The following ZDHHC14 variants were observed in gnomAD, a reference collection of about 807,000 sequenced individuals.
The protein encoded by ZDHHC14 is palmitoyltransferase ZDHHC14.
Under a neutral mutation model 47.7 loss-of-function variants are expected in ZDHHC14, and 16 were observed. The observed-to-expected ratio is 0.34, with a 90% confidence interval of 0.23 to 0.51. ZDHHC14 has a LOEUF of 0.51. Ranked by LOEUF, ZDHHC14 falls within the 20% of genes least tolerant of loss-of-function variation. The probability of loss-of-function intolerance (pLI) is 0.97; values close to 1 mark genes in which losing one functional copy is unlikely to be tolerated. For synonymous variants in ZDHHC14, 293 were observed against 278.9 expected (o/e 1.05, Z -0.50); for missense variants, 515 against 662.5 (o/e 0.78, Z 2.44).
intron 8 of ZDHHC14, among the ~76,000 whole-genome samples, chr6:157,667,793 A>T (rs1434675965): frequency 1.3e-5 from 2 of 152,320 alleles, no homozygotes; most frequent in South Asian, 2.1e-4. Context: ...AAGCTCTTTT[A>T]AAAAAATCAG....
In ZDHHC14 at chr6:157,593,129, T is replaced by G; in HGVS notation, c.548T>G (p.Leu183Arg). 1.2e-6 allele frequency: 2 copies of G among 1,613,222 alleles called. No individual in the cohort carries two copies. The highest frequency in any genetic ancestry group is 1.7e-6 in the Non-Finnish European group (2 of 1,179,502). The change falls in exon 3 of 9, where the codon CTT becomes CGT. Residue 183 changes from leucine (L) to arginine (R), a missense_variant. Physicochemically the swap from Leu to Arg is moderately radical, Grantham distance 102 (BLOSUM62 -2). Transcript: ENST00000359775. ...FRPPRASHCS[L>R]CDNCVERFDH... Reference sequence around the variant, plus strand: ...CCCCCTCGCGCCTCCCATTGCAGCCTTTGTGATAACTGCGTAGGTGAGTAG... The same window carrying G: ...CCCCCTCGCGCCTCCCATTGCAGCCGTTGTGATAACTGCGTAGGTGAGTAG...
intron 1 of ZDHHC14, among the ~76,000 whole-genome samples, chr6:157,402,383 C>T (rs1425471238): frequency 1.3e-5 from 2 of 151,692 alleles, no homozygotes; most frequent in Non-Finnish European, 2.9e-5. Flanking sequence ...GAGATGTGCA[C>T]CTGCCAAGGT....
At chr6:157,541,347 CT>C (rs1463000525) in intron 1 of ZDHHC14, among the ~76,000 whole-genome samples, 1 of 152,166 alleles carries the variant, frequency 6.6e-6, no homozygotes, top group Non-Finnish European at 1.5e-5. Context: ...GCTTGTGGCT[CT>C]CAAGTCCCAG....
chr6:157,487,103 G>A (rs1451822989), intron 1 of ZDHHC14, among the ~76,000 whole-genome samples: 1 of 152,220 alleles, frequency 6.6e-6, no homozygotes, highest in Non-Finnish European at 1.5e-5. Context: ...CAAACCTTAA[G>A]CTCTTCCTCT....
At chr6:157,645,666 G>C in intron 5 of ZDHHC14, 71 bp from the exon 6 acceptor site, 1 of 1,298,874 alleles carries the variant, frequency 7.7e-7, no homozygotes, top group Non-Finnish European at 1.1e-6. Context: ...GGGTGTTTCG[G>C]TTCCAGGCCT....
chr6:157,551,596 T>A (rs556353906), intron 2 of ZDHHC14, among the ~76,000 whole-genome samples: 29 of 152,336 alleles, frequency 1.9e-4, no homozygotes, highest in Middle Eastern at 3.4e-3. Flanking sequence ...AGAATCTGCA[T>A]TGCAACAAGA....
chr6:157,523,288 T>C (rs1781026124), intron 1 of ZDHHC14, among the ~76,000 whole-genome samples: 1 of 152,162 alleles, frequency 6.6e-6, no homozygotes, highest in African/African-American at 2.4e-5. Context: ...TATGATATAT[T>C]GAATACGTGA....
chr6:157,670,810 G>C lies in ZDHHC14; in HGVS notation c.1069-1914G>C, dbSNP rs1451911756. On this transcript the variant is annotated intron_variant, in intron 8 of 8. Transcript: ENST00000359775. The stretch of plus-strand genomic sequence containing the variant: ...CCACTATGAACTTTACTCTTGCCTA[G>C]GACCTAATCTTTGAGCATCTAAAGC... 5.3e-5 allele frequency among the ~76,000 whole-genome samples: 8 copies of C among 152,174 alleles called. No individual in the cohort carries two copies. In the South Asian group the frequency reaches 1.7e-3, roughly 32 times the overall value.
intron 1 of ZDHHC14, among the ~76,000 whole-genome samples, chr6:157,445,470 T>C (rs1247508566): frequency 1.3e-5 from 2 of 152,158 alleles, no homozygotes; most frequent in Non-Finnish European, 2.9e-5. Context: ...TCCAAAACAG[T>C]TTCTATTTTT....
Position 157,576,929 on chromosome 6 carries a change from G to A in ZDHHC14, c.407-16059G>A, listed in dbSNP as rs547395625. On this transcript the variant is annotated intron_variant, in intron 2 of 8. Coordinates refer to ENST00000359775, the MANE Select transcript of ZDHHC14 (RefSeq NM_024630.3). The stretch of plus-strand genomic sequence containing the variant: ...TGCAGGTTTCTTATACAGGTAAACC[G>A]CGTGTCATGGAGGTTTAGTGTACAG... 8.5e-4 allele frequency among the ~76,000 whole-genome samples: 129 copies of A among 152,246 alleles called. 2 individuals are homozygous for A. Among genetic ancestry groups the A allele is most frequent in the African/African-American group, 2.9e-3 (121 of 41,524 alleles).
At chr6:157,457,121 C>T (rs1183567102) in intron 1 of ZDHHC14, among the ~76,000 whole-genome samples, 3 of 150,472 alleles carry the variant, frequency 2.0e-5, no homozygotes, top group African/African-American at 4.9e-5. Context: ...TTGCAGTGAG[C>T]CGAGATTGCA....
chr6:157,574,909 G>A (rs1783247895), intron 2 of ZDHHC14, among the ~76,000 whole-genome samples: 1 of 152,136 alleles, frequency 6.6e-6, no homozygotes, highest in Admixed American at 6.5e-5. Flanking sequence ...ACCCTTCTTG[G>A]CCTCTGTATT....
At chr6:157,624,041 G>C (rs987256114) in intron 3 of ZDHHC14, among the ~76,000 whole-genome samples, 9 of 152,182 alleles carry the variant, frequency 5.9e-5, no homozygotes, top group African/African-American at 1.9e-4. Flanking sequence ...TTTCCACACA[G>C]AAAGTATAGA....
intron 1 of ZDHHC14, among the ~76,000 whole-genome samples, chr6:157,541,915 A>G (rs1781781521): frequency 6.6e-6 from 1 of 152,230 alleles, no homozygotes; most frequent in African/African-American, 2.4e-5. Flanking sequence ...ATGTTCATCC[A>G]TTGATAGCTC....
chr6:157,618,170 T>A (rs144152458), intron 3 of ZDHHC14, among the ~76,000 whole-genome samples: 3 of 152,244 alleles, frequency 2.0e-5, no homozygotes, highest in Non-Finnish European at 4.4e-5. Context: ...CTGAGGGGCT[T>A]GGGTGGGACA....
At chr6:157,460,132 G>A (rs1158891376) in intron 1 of ZDHHC14, among the ~76,000 whole-genome samples, 1 of 150,902 alleles carries the variant, frequency 6.6e-6, no homozygotes, top group Non-Finnish European at 1.5e-5. Context: ...GAACCCGGGA[G>A]GCAGAAGTTG....
intron 1 of ZDHHC14, among the ~76,000 whole-genome samples, chr6:157,411,891 A>G (rs1282676668): frequency 6.6e-6 from 1 of 151,700 alleles, no homozygotes; most frequent in Non-Finnish European, 1.5e-5. Context: ...GATTAGCTTT[A>G]GATATGTAGT....
chr6:157,518,447 T>C (rs1391605150), intron 1 of ZDHHC14, among the ~76,000 whole-genome samples: 1 of 152,056 alleles, frequency 6.6e-6, no homozygotes, highest in Non-Finnish European at 1.5e-5. Context: ...GATGTGTGGT[T>C]GCCAGAGTCA....
chr6:157,414,447 T>A (rs1466433139), intron 1 of ZDHHC14, among the ~76,000 whole-genome samples: 1 of 152,194 alleles, frequency 6.6e-6, no homozygotes, highest in African/African-American at 2.4e-5. Flanking sequence ...ACCTTTAAAA[T>A]AAGGCCAAAA....
Sources: gnomAD v4.1 joint callset for allele counts (sites outside exome capture counted in the v4.1 genomes callset) on GRCh38, gnomAD v4.1.1 for gene constraint, MANE v1.5 for transcripts, NCBI Gene and HGNC (gene_info 2026-07-23, HGNC 2026-07-21) for gene names.